PAK2: variants seen among roughly 807,000 people sequenced by gnomAD.
The protein encoded by PAK2 is serine/threonine-protein kinase PAK 2.
In PAK2, 21 loss-of-function variants were observed where a neutral mutation model predicts 65.9. The ratio of observed to expected loss-of-function variants is 0.32; its 90% CI spans 0.23 to 0.46. The LOEUF (loss-of-function observed/expected upper bound fraction) is 0.46, where lower values mean the gene tolerates loss of function less well. Ranked by LOEUF, PAK2 falls within the 20% of genes least tolerant of loss-of-function variation. The pLI is 1.00. For synonymous variants in PAK2, 204 were observed against 219.7 expected (o/e 0.93, Z 0.63); for missense variants, 324 against 642.6 (o/e 0.50, Z 5.36).
rs1715685248 is a variant in PAK2 at position 196,809,004 on chromosome 3, A to G, written c.709+1090A>G. Reference sequence around the variant, plus strand: ...ATAATCTCGGTACGTTGGCTGGCCAAGATAGGAGGATAGCTGGAGTCCAGG... The same window carrying G: ...ATAATCTCGGTACGTTGGCTGGCCAGGATAGGAGGATAGCTGGAGTCCAGG... On this transcript the variant is annotated intron_variant, in intron 7 of 14. Transcript: ENST00000327134. 1.3e-5 allele frequency among the ~76,000 whole-genome samples: 2 copies of G among 152,024 alleles called. 1 individual carries two copies. Among genetic ancestry groups the G allele is most frequent in the South Asian group, 4.2e-4 (2 of 4,802 alleles).
At chr3:196,743,111 T>G (rs2686600) in intron 1 of PAK2, among the ~76,000 whole-genome samples, 23 of 151,458 alleles carry the variant, frequency 1.5e-4, no homozygotes, top group African/African-American at 3.4e-4. Context: ...AGGAAAAAAA[T>G]CCCTCATTGC....
chr3:196,812,705 A>C, intron 9 of PAK2, 34 bp from the exon 10 acceptor site: 1 of 963,786 alleles, frequency 1.0e-6, no homozygotes, highest in Non-Finnish European at 1.7e-6. Flanking sequence ...AGAATTCCTA[A>C]ACCTGGTTTT....
rs1713396468 is a variant in PAK2, at chr3:196,746,814, A to T, written c.-22+6657A>T. Among the ~76,000 whole-genome samples the T allele has an allele frequency of 5.4e-5, 4 of 74,306 alleles. No individual in the cohort carries two copies. In the South Asian group the frequency reaches 1.4e-3, roughly 27 times the overall value. The allele number at this position is 74,306 out of a possible 152,430, so 48.7% of individuals were successfully genotyped here. The stretch of plus-strand genomic sequence containing the variant: ...AACAAAAGTGAAACTCTGTCTCATT[A>T]AAAAAAAAAAAAAAAAGGATAGGCC... On this transcript the variant is annotated intron_variant, in intron 1 of 14. Coordinates refer to ENST00000327134, the MANE Select transcript of PAK2 (RefSeq NM_002577.4).
chr3:196,803,330 C>G (rs1715478951), intron 4 of PAK2, among the ~76,000 whole-genome samples, 166 bp downstream of exon 4: 1 of 152,182 alleles, frequency 6.6e-6, no homozygotes. Context: ...AGTTCTGAAG[C>G]ATAATTTGGA....
rs138983060 is a variant in PAK2, at chr3:196,810,246, T to A, written c.710-344T>A. ...TTACCTGATTCTAAAGCTGAACATC[T>A]GAGAACCTAATTAATCTCTGACAAA... is the stretch of plus-strand genomic sequence containing the variant. On this transcript the variant is annotated intron_variant, in intron 7 of 14. Transcript: ENST00000327134. 1.2e-3 allele frequency among the ~76,000 whole-genome samples: 190 copies of A among 152,196 alleles called. 2 individuals are homozygous for A. Among genetic ancestry groups the A allele is most frequent in the African/African-American group, 4.3e-3 (179 of 41,574 alleles).
chr3:196,826,320 C>T (rs1442016275), intron 13 of PAK2, among the ~76,000 whole-genome samples: 1 of 151,894 alleles, frequency 6.6e-6, no homozygotes, highest in African/African-American at 2.4e-5. Flanking sequence ...TACAGGCGCC[C>T]ACCACCACGC....
intron 1 of PAK2, among the ~76,000 whole-genome samples, chr3:196,753,081 C>T (rs1317101334): frequency 6.6e-6 from 1 of 150,672 alleles, no homozygotes; most frequent in Non-Finnish European, 1.5e-5. Context: ...CGAGTTCAGG[C>T]CTGAATAGCT....
At chr3:196,826,323 C>G (rs1379755308) in intron 13 of PAK2, among the ~76,000 whole-genome samples, 3 of 152,036 alleles carry the variant, frequency 2.0e-5, no homozygotes, top group Non-Finnish European at 2.9e-5. Flanking sequence ...AGGCGCCCAC[C>G]ACCACGCCCG....
intron 1 of PAK2, among the ~76,000 whole-genome samples, chr3:196,742,014 T>A (rs1162312290): frequency 1.3e-5 from 2 of 152,176 alleles, no homozygotes; most frequent in Non-Finnish European, 2.9e-5. Context: ...AAATTAAGTT[T>A]ATAGTTCGAG....
rs1245775620 is a variant in PAK2, at chr3:196,830,820, T to C, written c.*2415T>C. The C allele has an allele frequency of 2.6e-5, 4 of 152,340 alleles. No homozygotes were observed. Among genetic ancestry groups the C allele is most frequent in the Admixed American group, 6.5e-5 (1 of 15,296 alleles). 9.4% of individuals were successfully genotyped at this position (152,340 alleles called of 1,614,324 possible). On this transcript the variant is annotated 3_prime_UTR_variant, in exon 15 of 15. Transcript: ENST00000327134. Reference sequence around the variant, plus strand: ...TCTTAAAAGTAATACAGAATTGTGATTTATTAATTTTAAAACATTCAGAAC... The same window carrying C: ...TCTTAAAAGTAATACAGAATTGTGACTTATTAATTTTAAAACATTCAGAAC...
intron 1 of PAK2, among the ~76,000 whole-genome samples, chr3:196,746,411 C>G (rs1713380360): frequency 6.6e-6 from 1 of 151,994 alleles, no homozygotes; most frequent in Non-Finnish European, 1.5e-5. Flanking sequence ...TGCTATTAAT[C>G]AAAGGTATCA....
At chr3:196,742,800 C>A (rs1356453492) in intron 1 of PAK2, among the ~76,000 whole-genome samples, 1 of 152,198 alleles carries the variant, frequency 6.6e-6, no homozygotes, top group East Asian at 1.9e-4. Flanking sequence ...GCCTGTAGTC[C>A]CAGCTACTCG....
At chr3:196,771,123 A>G (rs13318321) in intron 1 of PAK2, among the ~76,000 whole-genome samples, 1,646 of 152,026 alleles carry the variant, frequency 0.011, 50 homozygotes, top group African/African-American at 0.038. Flanking sequence ...AAAAAAAACA[A>G]TTGTCTCAAT....
chr3:196,806,456 G>T, intron 5 of PAK2, 123 bp from the exon 6 acceptor site: 1 of 633,890 alleles, frequency 1.6e-6, no homozygotes. Context: ...GAGCTAATGA[G>T]ATTTAGTGGT....
Position 196,745,207 on chromosome 3 carries a change from C to T in PAK2, c.-22+5050C>T, listed in dbSNP as rs987209718. On this transcript the variant is annotated intron_variant, in intron 1 of 14. Transcript: ENST00000327134. ...TCAGCTCACTGCAACTTCCGCCTCCCGGGTTCAAGTGATTCCCCTGCCTCA... is the reference window on the plus strand; with the variant it reads ...TCAGCTCACTGCAACTTCCGCCTCCTGGGTTCAAGTGATTCCCCTGCCTCA... Among the ~76,000 whole-genome samples the T allele has an allele frequency of 4.6e-5, 7 of 151,282 alleles. No individual in the cohort carries two copies. In the South Asian group the frequency reaches 6.3e-4, roughly 14 times the overall value.
intron 1 of PAK2, among the ~76,000 whole-genome samples, chr3:196,755,528 G>A (rs992382971): frequency 2.3e-4 from 35 of 150,260 alleles, no homozygotes; most frequent in African/African-American, 5.9e-4. Flanking sequence ...GCACAATCTC[G>A]GCCCTCTGTA....
chr3:196,749,339 C>T (rs1713493531), intron 1 of PAK2, among the ~76,000 whole-genome samples: 1 of 151,634 alleles, frequency 6.6e-6, no homozygotes, highest in Admixed American at 6.6e-5. Flanking sequence ...TTCCACAGCG[C>T]CTGTATCACT....
chr3:196,790,101 T>C (rs1715022086), intron 2 of PAK2, among the ~76,000 whole-genome samples: 1 of 152,228 alleles, frequency 6.6e-6, no homozygotes, highest in African/African-American at 2.4e-5. Flanking sequence ...AATTTGAAGC[T>C]ATTACACATC....
At chr3:196,744,932 CT>C (rs58919480) in intron 1 of PAK2, among the ~76,000 whole-genome samples, 70,350 of 147,182 alleles carry the variant, frequency 0.48, 16,814 homozygotes, top group Non-Finnish European at 0.54. Context: ...TTTCTTTTTT[CT>C]TTTTTTTTTG....
Sources: gnomAD v4.1 joint callset for allele counts (sites outside exome capture counted in the v4.1 genomes callset) on GRCh38, gnomAD v4.1.1 for gene constraint, MANE v1.5 for transcripts, NCBI Gene and HGNC (gene_info 2026-07-23, HGNC 2026-07-21) for gene names.